PLA2G4A: variants seen among roughly 807,000 people sequenced by gnomAD.
PLA2G4A encodes phospholipase A2 group IVA, also known as cytosolic phospholipase A2.
In PLA2G4A, 40 loss-of-function variants were observed where a neutral mutation model predicts 81.9. The observed-to-expected ratio is 0.49, with a 90% CI of 0.38 to 0.64. PLA2G4A has a LOEUF of 0.64. PLA2G4A is among the 30% of genes least tolerant of loss of function. The pLI is 0.00. For missense variants in PLA2G4A, 715 were observed against 905.1 expected (o/e 0.79, Z 2.69); for synonymous variants, 302 against 296.9 (o/e 1.02, Z -0.18).
chr1:186,950,273 T>G (rs1325476558), intron 12 of PLA2G4A, among the ~76,000 whole-genome samples: 1 of 152,174 alleles, frequency 6.6e-6, no homozygotes, highest in East Asian at 1.9e-4. Flanking sequence ...ACCTGTAGAT[T>G]TTGGTTTTAT....
At chr1:186,950,777 T>G in intron 13 of PLA2G4A, 49 bp downstream of exon 13, 1 of 937,268 alleles carries the variant, frequency 1.1e-6, no homozygotes, top group Non-Finnish European at 1.8e-6. Flanking sequence ...GGAAAGGATA[T>G]GAACACTCTG....
At chr1:186,944,180 T>C (rs1656257142) in intron 10 of PLA2G4A, among the ~76,000 whole-genome samples, 1 of 151,972 alleles carries the variant, frequency 6.6e-6, no homozygotes, top group African/African-American at 2.4e-5. Flanking sequence ...TGGGAGGAGA[T>C]GACAGAATAT....
intron 7 of PLA2G4A, among the ~76,000 whole-genome samples, chr1:186,921,013 TCA>T (rs1655330904): frequency 6.6e-6 from 1 of 152,250 alleles, no homozygotes; most frequent in Non-Finnish European, 1.5e-5. Context: ...AGGGTAAGCC[TCA>T]CACAGTCTTT....
chr1:186,914,528 G>T (rs1571396426), intron 7 of PLA2G4A, among the ~76,000 whole-genome samples: 1 of 152,250 alleles, frequency 6.6e-6, no homozygotes, highest in Admixed American at 6.5e-5. Flanking sequence ...AACTCTAAGG[G>T]GGTCAGCTTG....
chr1:186,983,175 A>T (rs557492579), intron 17 of PLA2G4A, among the ~76,000 whole-genome samples: 2 of 152,100 alleles, frequency 1.3e-5, no homozygotes, highest in African/African-American at 4.8e-5. Context: ...GAGCAACAAA[A>T]CTCTGCTGAA....
intron 2 of PLA2G4A, among the ~76,000 whole-genome samples, chr1:186,858,157 C>T (rs566187619): frequency 6.6e-6 from 1 of 152,184 alleles, no homozygotes; most frequent in African/African-American, 2.4e-5. Flanking sequence ...GTAATTCTAG[C>T]TCTAGATCCC....
rs1228104028 is a variant in PLA2G4A, at chr1:186,977,648, T to C, written c.1820T>C (p.Ile607Thr). ...AKMNKLPFPK[I>T]DPYVFDREGL... ...ATGAACAAGCTCCCCTTTCCAAAGA[T>C]TGATCCTTATGTGTTTGATCGGGAA... is the stretch of plus-strand genomic sequence containing the variant. Residue 607 changes from isoleucine to threonine, a missense_variant, in exon 16 of 18, where the codon ATT becomes ACT. By Grantham distance (89) the Ile-to-Thr change is moderately conservative. Transcript: ENST00000367466. 3 of 1,613,764 alleles carry C rather than the reference T, an allele frequency of 1.9e-6. No homozygotes were observed. Among genetic ancestry groups the C allele is most frequent in the South Asian group, 1.1e-5 (1 of 91,076 alleles).
intron 2 of PLA2G4A, among the ~76,000 whole-genome samples, chr1:186,867,756 A>G (rs1230607523): frequency 6.6e-6 from 1 of 151,982 alleles, no homozygotes; most frequent in Non-Finnish European, 1.5e-5. Context: ...ATGACAGGGA[A>G]ACTCCTTGCC....
At chr1:186,889,350 A>C (rs933100455) in intron 3 of PLA2G4A, among the ~76,000 whole-genome samples, 2 of 152,206 alleles carry the variant, frequency 1.3e-5, no homozygotes, top group South Asian at 4.1e-4. Context: ...TAATTCCACT[A>C]CAGATATGCA....
intron 3 of PLA2G4A, among the ~76,000 whole-genome samples, chr1:186,877,705 C>CAAAAAAAAAA (rs58954006): frequency 9.2e-5 from 8 of 86,922 alleles, no homozygotes; most frequent in African/African-American, 1.8e-4. Flanking sequence ...GGCTTACTCA[C>CAAAAAAAAAA]AAAAAAAAAA....
intron 6 of PLA2G4A, 69 bp downstream of exon 6, chr1:186,907,071 G>A: frequency 1.2e-6 from 1 of 845,862 alleles, no homozygotes; most frequent in East Asian, 2.6e-5. Context: ...AATTGTTAAA[G>A]AATTTTTTTA....
chr1:186,899,996 A>G (rs900976483), intron 5 of PLA2G4A, among the ~76,000 whole-genome samples: 3 of 149,058 alleles, frequency 2.0e-5, no homozygotes, highest in Middle Eastern at 3.5e-3. Context: ...CTTTGATTTT[A>G]TCACTCAACT....
chr1:186,947,172 C>T (rs1434120178), intron 12 of PLA2G4A, among the ~76,000 whole-genome samples: 1 of 152,004 alleles, frequency 6.6e-6, no homozygotes, highest in African/African-American at 2.4e-5. Context: ...TCATAAAAAT[C>T]ATTGATTTCT....
At chr1:186,941,543 C>A (rs746264170) in intron 10 of PLA2G4A, among the ~76,000 whole-genome samples, 3 of 152,082 alleles carry the variant, frequency 2.0e-5, no homozygotes, top group African/African-American at 4.8e-5. Context: ...AGAAGAAAAA[C>A]GAAAACCTCA....
chr1:186,974,140 T>G (rs1034907591), intron 15 of PLA2G4A, among the ~76,000 whole-genome samples: 1 of 152,052 alleles, frequency 6.6e-6, no homozygotes. Context: ...TGTAAATGAA[T>G]GAAATGGCAT....
chr1:186,988,729 G>T lies in PLA2G4A; in HGVS notation c.*221G>T. The T allele has an allele frequency of 2.4e-6, 1 of 421,798 alleles. No homozygotes were observed. Among genetic ancestry groups the T allele is most frequent in the African/African-American group, 2.0e-5 (1 of 49,532 alleles). 26.1% of individuals were successfully genotyped at this position (421,798 alleles called of 1,614,324 possible). ...ATATACTTAGCTACATTTTCAGTCA[G>T]TATGAACTTCCTGATACAAATGTAG... On this transcript the variant is annotated 3_prime_UTR_variant, in exon 18 of 18. Coordinates refer to ENST00000367466, the MANE Select transcript of PLA2G4A (RefSeq NM_024420.3).
intron 10 of PLA2G4A, 68 bp from the exon 11 acceptor site, chr1:186,946,569 T>C: frequency 9.4e-7 from 1 of 1,063,398 alleles, no homozygotes. Context: ...AAAGTGATCA[T>C]TAATTGTGCA....
intron 2 of PLA2G4A, among the ~76,000 whole-genome samples, chr1:186,862,935 C>A (rs1380952271): frequency 2.6e-5 from 4 of 152,134 alleles, no homozygotes; most frequent in Non-Finnish European, 4.4e-5. Flanking sequence ...GGCTGATGTT[C>A]ACACTTTTTT....
At chr1:186,920,682 G>A (rs1655316782) in intron 7 of PLA2G4A, among the ~76,000 whole-genome samples, 1 of 152,198 alleles carries the variant, frequency 6.6e-6, no homozygotes, top group African/African-American at 2.4e-5. Flanking sequence ...TAGGTTGCAA[G>A]CGTGGGTGAT....
Sources: gnomAD v4.1 joint callset for allele counts (sites outside exome capture counted in the v4.1 genomes callset) on GRCh38, gnomAD v4.1.1 for gene constraint, MANE v1.5 for transcripts, NCBI Gene and HGNC (gene_info 2026-07-23, HGNC 2026-07-21) for gene names.